The following TRAK2 variants were observed in gnomAD, a reference collection of about 807,000 sequenced individuals.
The protein encoded by TRAK2 is trafficking kinesin-binding protein 2.
In TRAK2, 81 loss-of-function variants were observed where a neutral mutation model predicts 104.6. The ratio of observed to expected loss-of-function variants is 0.77; its 90% confidence interval spans 0.65 to 0.93. The LOEUF (loss-of-function observed/expected upper bound fraction) is 0.93. Ranked by LOEUF, TRAK2 falls within the 40% of genes least tolerant of loss-of-function variation. TRAK2 has a pLI of 0.00. For missense variants in TRAK2, 1,002 were observed against 1,089.0 expected (o/e 0.92, Z 1.12); for synonymous variants, 406 against 394.4 (o/e 1.03, Z -0.35).
At chr2:201,436,083 A>G (rs1053961524) in intron 1 of TRAK2, among the ~76,000 whole-genome samples, 4 of 152,228 alleles carry the variant, frequency 2.6e-5, no homozygotes, top group African/African-American at 9.6e-5. Context: ...TTAATAAAAT[A>G]TAGTTACCAT....
intron 5 of TRAK2, 38 bp downstream of exon 5, chr2:201,399,339 A>G (rs1380902812): frequency 1.4e-6 from 2 of 1,421,470 alleles, no homozygotes; most frequent in Non-Finnish European, 2.0e-6. Flanking sequence ...CATAAAACCT[A>G]ATTATTTCAT....
At chr2:201,422,941 C>T (rs1423466947) in intron 1 of TRAK2, among the ~76,000 whole-genome samples, 1 of 151,828 alleles carries the variant, frequency 6.6e-6, no homozygotes, top group Non-Finnish European at 1.5e-5. Flanking sequence ...AATGATAAAA[C>T]ATTTTACTAA....
At chr2:201,413,305 C>T in intron 2 of TRAK2, 1 of 1,236,894 alleles carries the variant, frequency 8.1e-7, no homozygotes, top group Non-Finnish European at 1.2e-6. Flanking sequence ...AACATGGACT[C>T]CATGGCTGCA....
chr2:201,411,694 T>C (rs901727987), intron 2 of TRAK2: 37 of 781,104 alleles, frequency 4.7e-5, no homozygotes, highest in Non-Finnish European at 7.6e-5. Flanking sequence ...AAAATACCCA[T>C]GAGGACTGCA....
chr2:201,427,573 G>C (rs1376718323), intron 1 of TRAK2, among the ~76,000 whole-genome samples: 1 of 152,164 alleles, frequency 6.6e-6, no homozygotes, highest in Non-Finnish European at 1.5e-5. Flanking sequence ...GTCTACCAAT[G>C]ATAGACATTT....
intron 10 of TRAK2, 70 bp downstream of exon 10, chr2:201,392,839 T>C (rs986932978): frequency 2.7e-6 from 4 of 1,467,460 alleles, no homozygotes; most frequent in Middle Eastern, 1.8e-4. Flanking sequence ...TCATAAACCA[T>C]CAAACTTTTA....
rs1159405345 is a variant in TRAK2 at position 201,378,622 on chromosome 2, T to C, written c.*1921A>G. The C allele has an allele frequency of 2.6e-5, 4 of 152,188 alleles. No homozygotes were observed. Among genetic ancestry groups the C allele is most frequent in the Middle Eastern group, 3.2e-3 (1 of 316 alleles). 9.4% of individuals were successfully genotyped at this position (152,188 alleles called of 1,614,324 possible). A position where few individuals can be genotyped will look rare whatever the true frequency, so the allele number is the denominator to read the frequency against. On this transcript the variant is annotated 3_prime_UTR_variant, in exon 16 of 16. Transcript: ENST00000332624. ...CGGGAAATTTAAACAGCAGGGATTC[T>C]TCTATTTAATGCCTGCCCCATTCAG... is the stretch of plus-strand genomic sequence containing the variant.
intron 1 of TRAK2, among the ~76,000 whole-genome samples, chr2:201,436,661 C>A (rs1310544804): frequency 6.6e-6 from 1 of 152,130 alleles, no homozygotes; most frequent in Non-Finnish European, 1.5e-5. Flanking sequence ...TCCTCTCTAA[C>A]AATAAAACAC....
intron 15 of TRAK2, among the ~76,000 whole-genome samples, chr2:201,383,606 C>T (rs1213134091): frequency 6.6e-6 from 1 of 152,204 alleles, no homozygotes; most frequent in Non-Finnish European, 1.5e-5. Context: ...CAAGACTCTG[C>T]CCTATGCCTT....
intron 2 of TRAK2, chr2:201,410,637 A>T: frequency 1.5e-6 from 2 of 1,293,532 alleles, no homozygotes; most frequent in Non-Finnish European, 2.2e-6. Context: ...TGAAGAAAGG[A>T]TTACCCTGCA....
At chr2:201,412,015 T>C (rs1951651443) in intron 2 of TRAK2, 3 of 1,012,260 alleles carry the variant, frequency 3.0e-6, no homozygotes, top group African/African-American at 1.6e-5. Context: ...TTTTGGTTAG[T>C]AGCAAATCCA....
At chr2:201,425,714 C>CTT (rs200294169) in intron 1 of TRAK2, among the ~76,000 whole-genome samples, 1 of 102,066 alleles carries the variant, frequency 9.8e-6, no homozygotes, top group Non-Finnish European at 2.3e-5. Context: ...GAAAGCATTG[C>CTT]TTTTTTTTTT....
rs527904433 is a variant in TRAK2 at position 201,420,250 on chromosome 2, G to A, written c.91+167C>T. On this transcript the variant is annotated intron_variant, in intron 2 of 15. Coordinates refer to ENST00000332624, the MANE Select transcript of TRAK2 (RefSeq NM_015049.3). ...CATGAAAGGCAGATTCTGTTAATGC[G>A]TCAGGGGACACAGGGGATGGAGAGA... Among the ~76,000 whole-genome samples, 8 of 152,312 alleles carry A rather than the reference G, an allele frequency of 5.3e-5. No homozygotes were observed. In the South Asian group the frequency reaches 1.2e-3, roughly 24 times the overall value.
chr2:201,391,999 T>C (rs1951452360), intron 10 of TRAK2, among the ~76,000 whole-genome samples: 1 of 152,202 alleles, frequency 6.6e-6, no homozygotes, highest in African/African-American at 2.4e-5. Flanking sequence ...TTCCTGATGC[T>C]GATGGTTGTA....
At chr2:201,389,656 C>G (rs1951426844) in intron 11 of TRAK2, 145 bp downstream of exon 11, 2 of 1,084,644 alleles carry the variant, frequency 1.8e-6, no homozygotes, top group African/African-American at 3.1e-5. Flanking sequence ...AGAGAACTCT[C>G]TCACAAAAAA....
chr2:201,406,332 G>T lies in TRAK2; in HGVS notation c.286+1071C>A, dbSNP rs1265955194. Among the ~76,000 whole-genome samples, 6 of 152,286 alleles carry T rather than the reference G, an allele frequency of 3.9e-5. No individual in the cohort carries two copies. In the South Asian group the frequency reaches 1.0e-3, roughly 26 times the overall value. On this transcript the variant is annotated intron_variant, in intron 3 of 15. Coordinates refer to ENST00000332624, the MANE Select transcript of TRAK2 (RefSeq NM_015049.3). ...GCAAGTTAATGATTACTATGAAAAT[G>T]AGTATTTCACAGTAGACATTCTCCA...
chr2:201,400,354 C>T (rs1198088360), intron 4 of TRAK2, among the ~76,000 whole-genome samples: 3 of 152,034 alleles, frequency 2.0e-5, no homozygotes, highest in Admixed American at 2.0e-4. Context: ...TAAAATTAAG[C>T]TTCTATCCTT....
chr2:201,399,545 G>A, intron 4 of TRAK2, 52 bp from the exon 5 acceptor site: 3 of 1,388,796 alleles, frequency 2.2e-6, no homozygotes, highest in Non-Finnish European at 2.0e-6. Context: ...AGGTTAAATG[G>A]CAGTTCAGAA....
intron 1 of TRAK2, among the ~76,000 whole-genome samples, chr2:201,420,958 G>A (rs1951735710): frequency 6.6e-6 from 1 of 152,174 alleles, no homozygotes; most frequent in African/African-American, 2.4e-5. Context: ...GGAGTTAAGG[G>A]AGGAATTACT....
Sources: gnomAD v4.1 joint callset for allele counts (sites outside exome capture counted in the v4.1 genomes callset) on GRCh38, gnomAD v4.1.1 for gene constraint, MANE v1.5 for transcripts, NCBI Gene and HGNC (gene_info 2026-07-23, HGNC 2026-07-21) for gene names.